Variants in OSBPL6 observed in about 807,000 individuals in gnomAD.
OSBPL6 encodes the protein oxysterol-binding protein-related protein 6.
OSBPL6 carries 49 observed loss-of-function variants against 125.8 expected under a neutral mutation model. The ratio of observed to expected loss-of-function variants is 0.39; its 90% CI spans 0.31 to 0.49. OSBPL6 has a LOEUF of 0.49. Ranked by LOEUF, OSBPL6 falls within the 20% of genes least tolerant of loss-of-function variation. OSBPL6 has a pLI of 0.88. For missense variants in OSBPL6, 986 were observed against 1,135.4 expected (o/e 0.87, Z 1.89); for synonymous variants, 394 against 391.8 (o/e 1.01, Z -0.07).
intron 1 of OSBPL6, among the ~76,000 whole-genome samples, chr2:178,200,865 G>A (rs573502871): frequency 9.2e-5 from 14 of 151,858 alleles, no homozygotes; most frequent in East Asian, 5.8e-4. Flanking sequence ...GCGCGATCTC[G>A]GCTCAGTGCA....
At chr2:178,360,812 C>G (rs951341603) in intron 12 of OSBPL6, among the ~76,000 whole-genome samples, 1 of 152,116 alleles carries the variant, frequency 6.6e-6, no homozygotes, top group Non-Finnish European at 1.5e-5. Context: ...ATCAATAGAT[C>G]GTGAATCCCT....
At chr2:178,363,097 C>T (rs1692503202) in intron 13 of OSBPL6, among the ~76,000 whole-genome samples, 1 of 152,142 alleles carries the variant, frequency 6.6e-6, no homozygotes, top group South Asian at 2.1e-4. Flanking sequence ...ACATTCTTGT[C>T]CCCCTAAGTG....
At chr2:178,258,613 G>C (rs1485259474) in intron 1 of OSBPL6, among the ~76,000 whole-genome samples, 2 of 152,166 alleles carry the variant, frequency 1.3e-5, no homozygotes, top group East Asian at 3.8e-4. Flanking sequence ...TATACTGAAA[G>C]CACTAGTCTT....
intron 1 of OSBPL6, among the ~76,000 whole-genome samples, chr2:178,228,355 G>A (rs1004162133): frequency 3.9e-4 from 60 of 152,250 alleles, no homozygotes; most frequent in Admixed American, 1.0e-3. Flanking sequence ...CTAACATGGT[G>A]AAACACCATC....
At chr2:178,265,494 G>T (rs2092205199) in intron 1 of OSBPL6, among the ~76,000 whole-genome samples, 2 of 152,104 alleles carry the variant, frequency 1.3e-5, no homozygotes, top group South Asian at 4.2e-4. Context: ...GATTACAGGT[G>T]CAGGCCAACG....
chr2:178,356,348 C>T (rs1263974382), intron 12 of OSBPL6, among the ~76,000 whole-genome samples: 6 of 152,154 alleles, frequency 3.9e-5, no homozygotes, highest in Admixed American at 3.3e-4. Flanking sequence ...CCCATTGCCG[C>T]CACCCCAAAT....
intron 24 of OSBPL6, among the ~76,000 whole-genome samples, chr2:178,394,974 C>A (rs1440351081): frequency 6.6e-6 from 1 of 152,168 alleles, no homozygotes; most frequent in Non-Finnish European, 1.5e-5. Context: ...GTAACCTTAT[C>A]TCCTTTAGAC....
intron 1 of OSBPL6, among the ~76,000 whole-genome samples, chr2:178,249,453 G>A (rs186627823): frequency 1.3e-5 from 2 of 152,244 alleles, no homozygotes; most frequent in South Asian, 2.1e-4. Context: ...CACTATGATA[G>A]TAGTACAGTG....
intron 1 of OSBPL6, among the ~76,000 whole-genome samples, chr2:178,247,600 C>T: frequency 6.6e-6 from 1 of 152,150 alleles, no homozygotes; most frequent in East Asian, 1.9e-4. Context: ...TCCTTCACTG[C>T]CACAACAGCA....
intron 3 of OSBPL6, among the ~76,000 whole-genome samples, chr2:178,319,185 C>T (rs1018385661): frequency 2.0e-5 from 3 of 152,146 alleles, no homozygotes; most frequent in African/African-American, 7.2e-5. Flanking sequence ...CTGACTTGCT[C>T]TCAGTTCTGG....
intron 1 of OSBPL6, among the ~76,000 whole-genome samples, chr2:178,197,482 G>A (rs2088970198): frequency 6.6e-6 from 1 of 152,094 alleles, no homozygotes. Context: ...TATCCAAAGG[G>A]AGTATGTTCC....
intron 1 of OSBPL6, among the ~76,000 whole-genome samples, chr2:178,209,748 G>A (rs2089749002): frequency 6.6e-6 from 1 of 151,730 alleles, no homozygotes; most frequent in Admixed American, 6.6e-5. Flanking sequence ...GTCCTGTAAG[G>A]AAGCCCACTC....
intron 1 of OSBPL6, among the ~76,000 whole-genome samples, chr2:178,235,049 C>T (rs1431469057): frequency 6.6e-6 from 1 of 152,194 alleles, no homozygotes; most frequent in Non-Finnish European, 1.5e-5. Flanking sequence ...AGAATAGGTA[C>T]TTTGCCGGAT....
intron 1 of OSBPL6, among the ~76,000 whole-genome samples, chr2:178,271,592 A>G (rs13401080): frequency 1.3e-5 from 2 of 152,190 alleles, no homozygotes; most frequent in South Asian, 2.1e-4. Flanking sequence ...GCTCTATTTT[A>G]TCATTTCAAA....
intron 2 of OSBPL6, among the ~76,000 whole-genome samples, chr2:178,298,696 T>C (rs972565231): frequency 7.1e-6 from 1 of 141,586 alleles, no homozygotes; most frequent in Non-Finnish European, 1.5e-5. Flanking sequence ...TTTTAGTTGC[T>C]TTTTTTTTTG....
chr2:178,324,316 C>T (rs1688507846), intron 4 of OSBPL6, 47 bp downstream of exon 4: 1 of 1,341,622 alleles, frequency 7.5e-7, no homozygotes, highest in Non-Finnish European at 1.0e-6. Context: ...GATGCCTGCT[C>T]TGGGGCCAAT....
intron 12 of OSBPL6, among the ~76,000 whole-genome samples, chr2:178,360,981 A>T (rs1336574679): frequency 6.6e-6 from 1 of 152,188 alleles, no homozygotes; most frequent in Non-Finnish European, 1.5e-5. Flanking sequence ...TTGGAAAGTC[A>T]CCCTTTCTGT....
At chr2:178,364,308 TAG>T (rs1235880916) in intron 13 of OSBPL6, among the ~76,000 whole-genome samples, 4 of 152,242 alleles carry the variant, frequency 2.6e-5, no homozygotes, top group African/African-American at 9.6e-5. Context: ...TGCCAGAAAT[TAG>T]AACTATTACA....
At chr2:178,379,007 A>G (rs1016124981) in intron 15 of OSBPL6, among the ~76,000 whole-genome samples, 1 of 151,904 alleles carries the variant, frequency 6.6e-6, no homozygotes, top group African/African-American at 2.4e-5. Flanking sequence ...TCTACAAAAA[A>G]ATAAAATAAA....
Sources: allele counts gnomAD v4.1 joint callset (sites outside exome capture counted in the v4.1 genomes callset), GRCh38; gene constraint gnomAD v4.1.1; transcripts MANE v1.5; gene names NCBI Gene and HGNC (gene_info 2026-07-23, HGNC 2026-07-21).